The following NLRP13 variants were observed in gnomAD, a reference collection of about 807,000 sequenced individuals.
NLRP13 encodes NACHT, LRR and PYD domains-containing protein 13.
Under a neutral mutation model 94.4 loss-of-function variants are expected in NLRP13, and 82 were observed. The observed-to-expected ratio is 0.87, with a 90% CI of 0.73 to 1.04. The LOEUF (loss-of-function observed/expected upper bound fraction) is 1.04, where lower values mean the gene tolerates loss of function less well. Ranked by LOEUF, NLRP13 falls within the 50% of genes least tolerant of loss-of-function variation. NLRP13 has a pLI of 0.00. For missense variants in NLRP13, 1,426 were observed against 1,230.8 expected, an observed-to-expected ratio of 1.16 and a Z score of -2.37; for synonymous variants, 553 against 464.7, an observed-to-expected ratio of 1.19 and a Z score of -2.45.
chr19:55,912,519 G>A lies in NLRP13; in HGVS notation c.1298C>T (p.Ser433Phe). Residue 433 changes from serine to phenylalanine, a missense_variant, in exon 5 of 11, where the codon TCC (serine) becomes TTC (phenylalanine). Ser to Phe is a radical substitution (Grantham distance 155). Coordinates refer to ENST00000342929, the MANE Select transcript of NLRP13 (RefSeq NM_176810.2). ...CCTCACCTTCGGCTGCTTCAGACAG[G>A]AACATACGGTCCAACACACCATGGG... is the stretch of plus-strand genomic sequence containing the variant. Reference protein sequence around the residue: ...SAPMVCWTVCSCLKQPKVRYY... With the variant: ...SAPMVCWTVCFCLKQPKVRYY... 3.1e-6 allele frequency: 5 copies of A among 1,614,138 alleles called. No individual in the cohort carries two copies. The highest frequency in any genetic ancestry group is 2.2e-5 in the East Asian group (1 of 44,874).
intron 1 of NLRP13, among the ~76,000 whole-genome samples, chr19:55,926,253 T>G (rs1389963571): frequency 3.9e-5 from 6 of 152,234 alleles, no homozygotes; most frequent in Non-Finnish European, 1.5e-5. Context: ...CCAATTTAGC[T>G]GGGACCACCT....
At chr19:55,911,122 T>C (rs980765662) in intron 5 of NLRP13, among the ~76,000 whole-genome samples, 2 of 152,190 alleles carry the variant, frequency 1.3e-5, no homozygotes, top group African/African-American at 4.8e-5. Context: ...GCTCTCAGCA[T>C]TGTAGCAGAT....
chr19:55,925,006 G>C lies in NLRP13; in HGVS notation c.349C>G (p.Pro117Ala). The C allele has an allele frequency of 6.2e-7, 1 of 1,614,046 alleles. No individual in the cohort carries two copies. The highest frequency in any genetic ancestry group is 8.5e-7 in the Non-Finnish European group (1 of 1,179,998). The change falls in exon 2 of 11, where the codon CCA becomes GCA. Residue 117 changes from proline (P) to alanine (A), a missense_variant. Transcript: ENST00000342929. ...ENVQTQELQDPTQEDLEMLEA... is the reference protein window; with the variant it reads ...ENVQTQELQDATQEDLEMLEA... ...AGCATCTCTAGATCTTCCTGGGTTG[G>C]ATCTTGCAGCTCTTGGGTCTGCACA...
chr19:55,903,735 T>A lies in NLRP13; in HGVS notation c.2618+1207A>T, dbSNP rs138089407. Among the ~76,000 whole-genome samples the A allele has an allele frequency of 9.5e-3, 1,451 of 152,158 alleles. 19 individuals are homozygous for A. Among genetic ancestry groups the A allele is most frequent in the African/African-American group, 0.034 (1,392 of 41,500 alleles). The stretch of plus-strand genomic sequence containing the variant: ...GAGGTGTTCTTGGTACCCTCCCTCC[T>A]AAACCACCTCGAATCCATTGGCAAA... On this transcript the variant is annotated intron_variant, in intron 8 of 10. Coordinates refer to ENST00000342929, the MANE Select transcript of NLRP13 (RefSeq NM_176810.2).
At position 55,910,659 on chromosome 19, in the gene NLRP13, T is replaced by C; in HGVS notation, c.2186A>G (p.His729Arg). The stretch of plus-strand genomic sequence containing the variant: ...TTTGCTGTTACTCAGGTCTAGCTCA[T>C]GCAGATTCTCATTTGTGACCAACGT... ...CSTLVTNENL[H>R]ELDLSNSKLH... is the part of the protein sequence containing the mutation. Residue 729 changes from histidine (H) to arginine (R), a missense_variant, in exon 6 of 11, where the codon CAT (histidine) becomes CGT (arginine). Physicochemically the swap from His to Arg is conservative, Grantham distance 29 (BLOSUM62 0). Coordinates refer to ENST00000342929, the MANE Select transcript of NLRP13 (RefSeq NM_176810.2). The C allele has an allele frequency of 1.9e-6, 3 of 1,614,014 alleles. No individual in the cohort carries two copies. In the South Asian group the frequency reaches 3.3e-5, roughly 18 times the overall value.
chr19:55,922,308 T>G (rs191821082), intron 4 of NLRP13, among the ~76,000 whole-genome samples: 1 of 152,016 alleles, frequency 6.6e-6, no homozygotes, highest in Non-Finnish European at 1.5e-5. Context: ...AGGTTTTTTT[T>G]TTATTGTTGT....
chr19:55,895,847 G>A (rs1325155874), downstream of NLRP13: 1 of 1,368,538 alleles, frequency 7.3e-7, no homozygotes, highest in African/African-American at 1.4e-5. Flanking sequence ...CATGGCCTGA[G>A]GAAGCCGAGT....
At chr19:55,924,466 AAG>A in intron 3 of NLRP13, 122 bp downstream of exon 3, 2 of 698,588 alleles carry the variant, frequency 2.9e-6, no homozygotes, top group East Asian at 5.2e-5. Flanking sequence ...ACTAGATGGA[AAG>A]AGTTTTTAAT....
intron 7 of NLRP13, 48 bp downstream of exon 7, chr19:55,907,744 G>A (rs1568691479): frequency 6.3e-7 from 1 of 1,589,092 alleles, no homozygotes. Flanking sequence ...GGAAGCTACT[G>A]GTGGTCTTGC....
intron 4 of NLRP13, among the ~76,000 whole-genome samples, chr19:55,913,760 CTTTCAGGCGGGGGGAA>C (rs999545321): frequency 2.6e-5 from 4 of 151,880 alleles, no homozygotes; most frequent in African/African-American, 9.7e-5. Flanking sequence ...GTCTGGGGTA[CTTTCAGGCGGGGGGAA>C]GGCCAAGGTG....
At chr19:55,911,347 G>A (rs752551954) in intron 5 of NLRP13, among the ~76,000 whole-genome samples, 4 of 152,076 alleles carry the variant, frequency 2.6e-5, no homozygotes, top group Non-Finnish European at 4.4e-5. Context: ...TCCTCCCACC[G>A]CAGCCCCCCA....
At chr19:55,916,674 C>T (rs1300459556) in intron 4 of NLRP13, among the ~76,000 whole-genome samples, 1 of 152,070 alleles carries the variant, frequency 6.6e-6, no homozygotes, top group East Asian at 1.9e-4. Flanking sequence ...CAAAAATAAA[C>T]AGGATTTTAA....
Position 55,929,329 on chromosome 19 carries a change from T to C in NLRP13, c.319+2664A>G, listed in dbSNP as rs1349713422. The stretch of plus-strand genomic sequence containing the variant: ...TACTATAAAGACTCTTGCACACATA[T>C]GGTTATTGCAGCACTGTTCACAATA... On this transcript the variant is annotated intron_variant, in intron 1 of 10. Transcript: ENST00000342929. Among the ~76,000 whole-genome samples the C allele has an allele frequency of 4.6e-5, 7 of 152,178 alleles. No individual in the cohort carries two copies. In the East Asian group the frequency reaches 1.2e-3, roughly 25 times the overall value.
chr19:55,911,857 T>C lies in NLRP13; in HGVS notation c.1960A>G (p.Met654Val). The C allele has an allele frequency of 6.2e-7, 1 of 1,614,176 alleles. No homozygotes were observed. Among genetic ancestry groups the C allele is most frequent in the Non-Finnish European group, 8.5e-7 (1 of 1,180,026 alleles). The change falls in exon 5 of 11, where the codon ATG (methionine) becomes GTG (valine). Residue 654 changes from methionine (M) to valine (V), a missense_variant. By Grantham distance (21) the Met-to-Val change is conservative. Coordinates refer to ENST00000342929, the MANE Select transcript of NLRP13 (RefSeq NM_176810.2). Reference protein sequence around the residue: ...ESQEEDFTKKMLGRIFEVDLN... With the variant: ...ESQEEDFTKKVLGRIFEVDLN... ...TCAACTTCAAAGATACGACCCAACA[T>C]CTTCTTTGTGAAGTCTTCCTCCTGG...
At chr19:55,924,088 G>A (rs45565240) in intron 3 of NLRP13, 109 bp from the exon 4 acceptor site, 111,755 of 809,168 alleles carry the variant, frequency 0.14, 10,099 homozygotes, top group African/African-American at 0.33. Context: ...ACTTGAGAGT[G>A]AAGAGACTGG....
rs183644353 is a variant in NLRP13 at position 55,923,786 on chromosome 19, G to A, written c.523+128C>T. 2.4e-4 allele frequency: 168 copies of A among 702,288 alleles called. No individual in the cohort carries two copies. In the African/African-American group the frequency reaches 2.6e-3, roughly 11 times the overall value. The allele number at this position is 702,288 out of a possible 1,614,324, so 43.5% of individuals were successfully genotyped here. On this transcript the variant is annotated intron_variant, in intron 4 of 10. Transcript: ENST00000342929. ...TTGTACTGGAAGAACCAGTTGGGAA[G>A]AGCTTTTAATTTATTGCATACCATA...
chr19:55,899,174 C>T (rs927835002), intron 9 of NLRP13, among the ~76,000 whole-genome samples: 2 of 152,006 alleles, frequency 1.3e-5, no homozygotes, highest in Non-Finnish European at 1.5e-5. Flanking sequence ...CCACGCCCCC[C>T]GCAGGTGCAT....
chr19:55,894,264 A>G (rs946072266), downstream of NLRP13, among the ~76,000 whole-genome samples: 1 of 151,092 alleles, frequency 6.6e-6, no homozygotes, highest in African/African-American at 2.4e-5. Flanking sequence ...CTGGTCTTGA[A>G]CTCCTGGCCT....
In NLRP13 at chr19:55,907,868, A is replaced by G. The variant is rs1986397947; in HGVS notation, c.2371T>C (p.Ser791Pro). The change falls in exon 7 of 11, where the codon TCT becomes CCT. Residue 791 changes from serine to proline, a missense_variant. By Grantham distance (74) the Ser-to-Pro change is moderately conservative (BLOSUM62 -1). Transcript: ENST00000342929. ...GGGACAGTCATTCCCAGCTTGTTAGAGCTGAAGTTCAGATGGGTCAGCTTG... is the reference window on the plus strand; with the variant it reads ...GGGACAGTCATTCCCAGCTTGTTAGGGCTGAAGTTCAGATGGGTCAGCTTG... ...NSKLTHLNFS[S>P]NKLGMTVPLI... is the part of the protein sequence containing the mutation. 6.2e-7 allele frequency: 1 copy of G among 1,613,712 alleles called. No homozygotes were observed. Among genetic ancestry groups the G allele is most frequent in the Non-Finnish European group, 8.5e-7 (1 of 1,179,890 alleles).
Sources: allele counts gnomAD v4.1 joint callset (sites outside exome capture counted in the v4.1 genomes callset), GRCh38; gene constraint gnomAD v4.1.1; transcripts MANE v1.5; gene names NCBI Gene and HGNC (gene_info 2026-07-23, HGNC 2026-07-21).